The following NFIX variants were observed in gnomAD, a reference collection of about 807,000 sequenced individuals.
NFIX encodes the protein nuclear factor I X.
A neutral mutation model predicts 53.3 loss-of-function variants in NFIX; 2 were observed. The observed-to-expected ratio is 0.04, with a 90% CI of 0.02 to 0.12. The LOEUF (loss-of-function observed/expected upper bound fraction) is 0.12. Ranked by LOEUF, NFIX falls within the 10% of genes least tolerant of loss-of-function variation. The probability of loss-of-function intolerance (pLI) is 1.00; values close to 1 mark genes in which losing one functional copy is unlikely to be tolerated. For missense variants in NFIX, 310 were observed against 674.5 expected (o/e 0.46, Z 5.99); for synonymous variants, 244 against 289.0 (o/e 0.84, Z 1.58).
chr19:13,010,560 G>A (rs2012283098), intron 1 of NFIX, among the ~76,000 whole-genome samples: 1 of 152,238 alleles, frequency 6.6e-6, no homozygotes, highest in Admixed American at 6.5e-5. Flanking sequence ...CCTATAACAT[G>A]CCCCTATCGG....
At chr19:13,083,596 T>C (rs1231008748) in intron 8 of NFIX, among the ~76,000 whole-genome samples, 1 of 152,186 alleles carries the variant, frequency 6.6e-6, no homozygotes, top group African/African-American at 2.4e-5. Flanking sequence ...AAGCTTCTCT[T>C]CCTGAGGCAG....
chr19:13,073,244 C>T lies in NFIX; in HGVS notation c.622+135C>T. On this transcript the variant is annotated intron_variant, in intron 3 of 10. Coordinates refer to ENST00000592199, the MANE Select transcript of NFIX (RefSeq NM_001365902.3). This position sits in a 1 kb window ranked among gnomAD's most constrained non-coding sequence, Gnocchi z 4.5. ...CCCTTGACTGAGCTTAGCTTGCTGTCCTGAGGGGATGGGGGCACACCTAGA... is the reference window on the plus strand; with the variant it reads ...CCCTTGACTGAGCTTAGCTTGCTGTTCTGAGGGGATGGGGGCACACCTAGA... The T allele has an allele frequency of 2.0e-6, 2 of 1,016,096 alleles. No individual in the cohort carries two copies. Among genetic ancestry groups the T allele is most frequent in the South Asian group, 1.3e-5 (1 of 76,690 alleles). The allele number at this position is 1,016,096 out of a possible 1,614,324, so 62.9% of individuals were successfully genotyped here.
intron 1 of NFIX, among the ~76,000 whole-genome samples, chr19:13,003,876 G>A (rs138837037): frequency 6.6e-6 from 1 of 152,268 alleles, no homozygotes; most frequent in Non-Finnish European, 1.5e-5. Flanking sequence ...CTGGGCTCAA[G>A]CAGTTCTCCC....
rs1004994367 is a variant in NFIX, at chr19:13,052,016, GCC to G, written c.560-21028_560-21027del. ...TCCTGCCGATTACCCACTCCTCTGT[GCC>G]CCATTTCCCTTCTGTCTTTCCTTTG... On this transcript the variant is annotated intron_variant, in intron 2 of 10. Coordinates refer to ENST00000592199, the MANE Select transcript of NFIX (RefSeq NM_001365902.3). The surrounding 1 kb of genome is among the most constrained non-coding windows in gnomAD (Gnocchi z 5.2). Among the ~76,000 whole-genome samples, 7 of 152,120 alleles carry G rather than the reference GCC, an allele frequency of 4.6e-5. No individual in the cohort carries two copies. Among genetic ancestry groups the G allele is most frequent in the African/African-American group, 1.7e-4 (7 of 41,422 alleles).
At position 13,022,845 on chromosome 19, in the gene NFIX, CT is replaced by C. The variant is rs2013019125; in HGVS notation, c.28-2175del. 6.6e-6 allele frequency among the ~76,000 whole-genome samples: 1 copy of C among 151,500 alleles called. No individual in the cohort carries two copies. Among genetic ancestry groups the C allele is most frequent in the Non-Finnish European group, 1.5e-5 (1 of 67,928 alleles). On this transcript the variant is annotated intron_variant, in intron 1 of 10. Coordinates refer to ENST00000592199, the MANE Select transcript of NFIX (RefSeq NM_001365902.3). The surrounding 1 kb of genome is among the most constrained non-coding windows in gnomAD (Gnocchi z 4.5). ...CACCCCCAGATTTGCTGGGTGGCTGCTGCCAAATGGACCCGAGTGGGAGCCT... is the reference window on the plus strand; with the variant it reads ...CACCCCCAGATTTGCTGGGTGGCTGCGCCAAATGGACCCGAGTGGGAGCCT...
intron 2 of NFIX, among the ~76,000 whole-genome samples, chr19:13,026,670 G>A (rs977170910): frequency 6.6e-6 from 1 of 152,064 alleles, no homozygotes; most frequent in Non-Finnish European, 1.5e-5. Flanking sequence ...AAGCAAGGCA[G>A]AAGTGTGTTT....
rs191040168 is a variant in NFIX, at chr19:13,081,286, A to T, written c.1079-394A>T. Reference sequence around the variant, plus strand: ...GCCACTGCACTCCAGTCTGGATGACAGAGCGAGACCCTGTCTCAAATAATA... The same window carrying T: ...GCCACTGCACTCCAGTCTGGATGACTGAGCGAGACCCTGTCTCAAATAATA... On this transcript the variant is annotated intron_variant, in intron 7 of 10. Coordinates refer to ENST00000592199, the MANE Select transcript of NFIX (RefSeq NM_001365902.3). This position sits in a 1 kb window ranked among gnomAD's most constrained non-coding sequence, Gnocchi z 4.7. Among the ~76,000 whole-genome samples the T allele has an allele frequency of 6.6e-4, 101 of 152,294 alleles. No homozygotes were observed. The highest frequency in any genetic ancestry group is 2.4e-3 in the African/African-American group (98 of 41,554).
chr19:13,019,492 T>C (rs2012844077), intron 1 of NFIX, among the ~76,000 whole-genome samples: 1 of 152,126 alleles, frequency 6.6e-6, no homozygotes, highest in Admixed American at 6.6e-5. Flanking sequence ...TGCTGTTCTG[T>C]TTCCCTCCAT....
intron 8 of NFIX, 97 bp from the exon 9 acceptor site, chr19:13,087,892 C>T: frequency 7.1e-6 from 10 of 1,415,558 alleles, no homozygotes; most frequent in South Asian, 1.3e-5. Context: ...CCACCGGGAG[C>T]GCCCGCTCTC....
In NFIX at chr19:12,996,882, C is replaced by G. The variant is rs912782708; in HGVS notation, c.27+1018C>G. On this transcript the variant is annotated intron_variant, in intron 1 of 10. Coordinates refer to ENST00000592199, the MANE Select transcript of NFIX (RefSeq NM_001365902.3). The surrounding 1 kb of genome is among the most constrained non-coding windows in gnomAD (Gnocchi z 5.2). ...CTTCGAGGATGCCTGTCGGGCCACC[C>G]AACTCTCCCTGGGCTGTGGCCTGAG... Among the ~76,000 whole-genome samples, 5 of 152,378 alleles carry G rather than the reference C, an allele frequency of 3.3e-5. No homozygotes were observed. The highest frequency in any genetic ancestry group is 3.3e-4 in the Admixed American group (5 of 15,308).
At chr19:12,999,576 G>A (rs550124786) in intron 1 of NFIX, among the ~76,000 whole-genome samples, 27 of 152,174 alleles carry the variant, frequency 1.8e-4, no homozygotes, top group African/African-American at 5.8e-4. Flanking sequence ...CAAACATGCC[G>A]ACATTTGCTG....
At chr19:13,030,882 A>G (rs1030987806) in intron 2 of NFIX, among the ~76,000 whole-genome samples, 1 of 152,236 alleles carries the variant, frequency 6.6e-6, no homozygotes, top group African/African-American at 2.4e-5. Flanking sequence ...TTACAGCACG[A>G]CATCAGTTAG....
intron 1 of NFIX, among the ~76,000 whole-genome samples, chr19:13,019,114 T>G (rs1309701816): frequency 1.4e-5 from 1 of 70,078 alleles, no homozygotes; most frequent in African/African-American, 9.5e-5. Flanking sequence ...TGTGGACACA[T>G]AGGATTTTTT....
intron 6 of NFIX, 72 bp downstream of exon 6, chr19:13,075,743 T>A (rs1237152042): frequency 4.6e-6 from 7 of 1,534,184 alleles, no homozygotes; most frequent in Non-Finnish European, 6.2e-6. Context: ...TCAGTTCACC[T>A]GGTGAGCCTC....
intron 2 of NFIX, among the ~76,000 whole-genome samples, chr19:13,064,073 GA>G (rs60222845): frequency 0.38 from 5,394 of 14,314 alleles, 333 homozygotes; most frequent in African/African-American, 0.48. Context: ...GCTGGGATGG[GA>G]CCCCCCCCCT....
At position 13,078,823 on chromosome 19, in the gene NFIX, A is replaced by AC; in HGVS notation, c.1078+92dup. 1 of 1,390,474 alleles carries AC rather than the reference A, an allele frequency of 7.2e-7. No individual in the cohort carries two copies. Among genetic ancestry groups the AC allele is most frequent in the Non-Finnish European group, 9.6e-7 (1 of 1,042,002 alleles). 86.1% of individuals were successfully genotyped at this position (1,390,474 alleles called of 1,614,324 possible). On this transcript the variant is annotated intron_variant, in intron 7 of 10. Coordinates refer to ENST00000592199, the MANE Select transcript of NFIX (RefSeq NM_001365902.3). This position sits in a 1 kb window ranked among gnomAD's most constrained non-coding sequence, Gnocchi z 4.7. ...TGGCCAGGTGAAGGGGCCAGAGCTGACCCCGAGTGACAGCCCCACGCTCTC... is the reference window on the plus strand; with the variant it reads ...TGGCCAGGTGAAGGGGCCAGAGCTGACCCCCGAGTGACAGCCCCACGCTCTC...
At chr19:13,004,308 C>T (rs1025905325) in intron 1 of NFIX, among the ~76,000 whole-genome samples, 1 of 152,246 alleles carries the variant, frequency 6.6e-6, no homozygotes, top group South Asian at 2.1e-4. Context: ...CCCACATACA[C>T]AGTCACACCC....
rs2018443810 is a variant in NFIX at position 13,096,210 on chromosome 19, T to TC, written c.*1561_*1562insC. The TC allele has an allele frequency of 2.6e-5, 4 of 152,812 alleles. No individual in the cohort carries two copies. The highest frequency in any genetic ancestry group is 2.0e-4 in the Admixed American group (3 of 15,290). 9.5% of individuals were successfully genotyped at this position (152,812 alleles called of 1,614,324 possible). A position where few individuals can be genotyped will look rare whatever the true frequency, so the allele number is the denominator to read the frequency against. On this transcript the variant is annotated 3_prime_UTR_variant, in exon 11 of 11. Coordinates refer to ENST00000592199, the MANE Select transcript of NFIX (RefSeq NM_001365902.3). ...CTTCTTGAGTCCTTGTGCCTCTCTC[T>TC]TTCTCTCTCTTTCTTAATTGTATGA...
At chr19:13,070,696 C>G (rs920865511) in intron 2 of NFIX, 2 of 152,482 alleles carry the variant, frequency 1.3e-5, no homozygotes, top group African/African-American at 2.4e-5. Flanking sequence ...GCGCCCGGAG[C>G]AGCGCCCGGA....
Sources: gnomAD v4.1 joint callset for allele counts (sites outside exome capture counted in the v4.1 genomes callset) on GRCh38, gnomAD v4.1.1 for gene constraint, Gnocchi (gnomAD v3.1) non-coding constraint, MANE v1.5 for transcripts, NCBI Gene and HGNC (gene_info 2026-07-23, HGNC 2026-07-21) for gene names.